Variants in KCNN2 observed in about 807,000 individuals in gnomAD.
The protein encoded by KCNN2 is small conductance calcium-activated potassium channel protein 2.
In KCNN2, 24 loss-of-function variants were observed where a neutral mutation model predicts 55.5. The ratio of observed to expected loss-of-function variants is 0.43; its 90% CI spans 0.31 to 0.61. The LOEUF is 0.61. Ranked by LOEUF, KCNN2 falls within the 20% of genes least tolerant of loss-of-function variation. The probability of loss-of-function intolerance (pLI) is 0.08; values close to 1 mark genes in which losing one functional copy is unlikely to be tolerated. For synonymous variants in KCNN2, 431 were observed against 336.1 expected (o/e 1.28, Z -3.09); for missense variants, 754 against 853.6 (o/e 0.88, Z 1.45).
intron 1 of KCNN2, among the ~76,000 whole-genome samples, chr5:114,160,164 T>C (rs1463429924): frequency 2.6e-5 from 4 of 152,300 alleles, no homozygotes; most frequent in African/African-American, 9.6e-5. Context: ...TCCCTCTACA[T>C]ACTGCTTAGA....
intron 2 of KCNN2, among the ~76,000 whole-genome samples, chr5:114,284,666 C>T (rs1361041354): frequency 5.3e-5 from 8 of 151,996 alleles, no homozygotes; most frequent in Non-Finnish European, 7.4e-5. Flanking sequence ...TAAAGGAATG[C>T]GCCACCATAC....
intron 2 of KCNN2, among the ~76,000 whole-genome samples, chr5:114,315,449 GTGTGTGTGTGTGTGTGTATA>G (rs972388111): frequency 8.0e-5 from 9 of 112,330 alleles, no homozygotes; most frequent in African/African-American, 2.0e-4. Flanking sequence ...GTGTGTGTGT[GTGTGTGTGTGTGTGTGTATA>G]TATATATAAA....
At chr5:114,122,251 T>A (rs1322833931) in intron 1 of KCNN2, among the ~76,000 whole-genome samples, 1 of 152,122 alleles carries the variant, frequency 6.6e-6, no homozygotes, top group Non-Finnish European at 1.5e-5. Flanking sequence ...AGCCATGGCA[T>A]TGTGAGTAAT....
intron 1 of KCNN2, among the ~76,000 whole-genome samples, chr5:114,096,030 C>T (rs1400192083): frequency 1.3e-5 from 2 of 152,082 alleles, no homozygotes; most frequent in Non-Finnish European, 2.9e-5. Flanking sequence ...CTTTGCCATA[C>T]CTTGAAGTCC....
chr5:114,454,269 T>A (rs549358690), intron 3 of KCNN2, among the ~76,000 whole-genome samples: 2 of 152,170 alleles, frequency 1.3e-5, no homozygotes, highest in Non-Finnish European at 2.9e-5. Flanking sequence ...TTGTTCTGTT[T>A]CCTCCCTTCC....
At chr5:114,335,145 T>A (rs1422886203) in intron 2 of KCNN2, among the ~76,000 whole-genome samples, 1 of 152,070 alleles carries the variant, frequency 6.6e-6, no homozygotes, top group African/African-American at 2.4e-5. Flanking sequence ...GGATGGTGTT[T>A]ATCTCCTGAC....
rs1747599292 is a variant in KCNN2, at chr5:114,487,186, C to A, written c.2018+9C>A. On this transcript the variant is annotated intron_variant, in intron 6 of 7. Transcript: ENST00000673685. Reference sequence around the variant, plus strand: ...CTGCAAGCTATTCATCAGTAAGTATCATTTTTCATTTTTATCCTGTTGTTG... The same window carrying A: ...CTGCAAGCTATTCATCAGTAAGTATAATTTTTCATTTTTATCCTGTTGTTG... 2 of 1,610,872 alleles carry A rather than the reference C, an allele frequency of 1.2e-6. No individual in the cohort carries two copies. Among genetic ancestry groups the A allele is most frequent in the African/African-American group, 1.3e-5 (1 of 74,702 alleles).
intron 1 of KCNN2, among the ~76,000 whole-genome samples, chr5:114,075,808 C>G (rs1291520833): frequency 2.6e-5 from 4 of 152,078 alleles, no homozygotes; most frequent in African/African-American, 9.7e-5. Context: ...TGCTGCAGAC[C>G]CATGCTGCTA....
chr5:114,074,370 T>C (rs969154192), intron 1 of KCNN2, among the ~76,000 whole-genome samples: 6 of 151,226 alleles, frequency 4.0e-5, no homozygotes, highest in African/African-American at 9.8e-5. Flanking sequence ...ATCTTTAAGG[T>C]AGCTTGTTAA....
intron 2 of KCNN2, among the ~76,000 whole-genome samples, chr5:114,364,667 C>G (rs1757549584): frequency 6.7e-6 from 1 of 149,636 alleles, no homozygotes; most frequent in Non-Finnish European, 1.5e-5. Flanking sequence ...GCCAGGAGCT[C>G]TATATTTGAC....
At chr5:114,081,203 A>G (rs1183800252) in intron 1 of KCNN2, among the ~76,000 whole-genome samples, 2 of 152,170 alleles carry the variant, frequency 1.3e-5, no homozygotes, top group Non-Finnish European at 2.9e-5. Flanking sequence ...TAATATTAAG[A>G]TGTCAGGTCT....
chr5:114,070,017 A>C (rs1251228153), intron 1 of KCNN2, among the ~76,000 whole-genome samples: 1 of 152,242 alleles, frequency 6.6e-6, no homozygotes, highest in Non-Finnish European at 1.5e-5. Flanking sequence ...AAGACAGCTC[A>C]AACATTTTAC....
rs369868787 is a variant in KCNN2 at position 114,352,311 on chromosome 5, CTCTT to C, written c.-184-8628_-184-8625del. ...TAGTAATATGCTCTTCTCTCTCTTT[CTCTT>C]TCTTTTTTTTTCCTGGTCAGTCTAC... is the stretch of plus-strand genomic sequence containing the variant. On this transcript the variant is annotated intron_variant, in intron 2 of 10. Transcript: ENST00000512097. Among the ~76,000 whole-genome samples the C allele has an allele frequency of 4.7e-3, 719 of 151,552 alleles. 6 individuals are homozygous for C. The highest frequency in any genetic ancestry group is 0.017 in the African/African-American group (686 of 41,458).
intron 1 of KCNN2, among the ~76,000 whole-genome samples, chr5:114,220,044 G>GA (rs1754099468): frequency 6.6e-6 from 1 of 151,912 alleles, no homozygotes; most frequent in Non-Finnish European, 1.5e-5. Context: ...CAGACCTTAA[G>GA]AAAAAAACAG....
At chr5:114,427,619 C>T (rs562666367) in intron 3 of KCNN2, among the ~76,000 whole-genome samples, 1 of 152,322 alleles carries the variant, frequency 6.6e-6, no homozygotes, top group East Asian at 1.9e-4. Context: ...GAATATTCTT[C>T]ATGTATGTGC....
At chr5:114,274,498 C>T (rs1415890726) in intron 2 of KCNN2, among the ~76,000 whole-genome samples, 3 of 152,088 alleles carry the variant, frequency 2.0e-5, no homozygotes, top group Middle Eastern at 3.4e-3. Flanking sequence ...TGTTTGTGTC[C>T]TCCTTTATTT....
chr5:114,439,442 C>T (rs149534383), intron 3 of KCNN2, among the ~76,000 whole-genome samples: 12 of 152,206 alleles, frequency 7.9e-5, no homozygotes, highest in East Asian at 7.7e-4. Flanking sequence ...CTCTTTTTTA[C>T]GATTGTACTC....
intron 1 of KCNN2, among the ~76,000 whole-genome samples, chr5:114,108,768 G>C (rs999831066): frequency 6.6e-6 from 1 of 151,990 alleles, no homozygotes; most frequent in Admixed American, 6.6e-5. Context: ...TATCAATTCT[G>C]CTATCAATTG....
intron 3 of KCNN2, among the ~76,000 whole-genome samples, chr5:114,410,715 A>AGTGT (rs1166488118): frequency 6.6e-6 from 1 of 152,100 alleles, no homozygotes; most frequent in African/African-American, 2.4e-5. Flanking sequence ...TTTAGGTGGT[A>AGTGT]GTGTTCCCAA....
Sources: gnomAD v4.1 joint callset for allele counts (sites outside exome capture counted in the v4.1 genomes callset) on GRCh38, gnomAD v4.1.1 for gene constraint, MANE v1.5 for transcripts, NCBI Gene and HGNC (gene_info 2026-07-23, HGNC 2026-07-21) for gene names.